The following NHS variants were observed in gnomAD, a reference collection of about 807,000 sequenced individuals.
The protein encoded by NHS is actin remodeling regulator NHS.
In NHS, 5 loss-of-function variants were observed where a neutral mutation model predicts 72.5. That is an observed-to-expected ratio of 0.07 (90% CI 0.04 to 0.14). The LOEUF (loss-of-function observed/expected upper bound fraction) is 0.14, where lower values mean the gene tolerates loss of function less well. Ranked by LOEUF, NHS falls within the 10% of genes least tolerant of loss-of-function variation. NHS has a pLI of 1.00. For missense variants in NHS, 1,072 were observed against 1,355.7 expected (o/e 0.79, Z 3.29); for synonymous variants, 464 against 547.7 (o/e 0.85, Z 2.13).
chrX:17,487,530 A>G (rs1278754453), intron 1 of NHS, among the ~76,000 whole-genome samples: 2 of 111,592 alleles, frequency 1.8e-5, no homozygotes, highest in Non-Finnish European at 3.8e-5. Context: ...TTCTCATGAC[A>G]TGGCATGTCC....
intron 1 of NHS, among the ~76,000 whole-genome samples, chrX:17,614,784 A>G (rs927980113): frequency 9.0e-6 from 1 of 111,031 alleles, no homozygotes; most frequent in Non-Finnish European, 1.9e-5. Flanking sequence ...GCCAAGTACC[A>G]CACTAGACAT....
intron 8 of NHS, among the ~76,000 whole-genome samples, chrX:17,730,231 T>C (rs765096972): frequency 8.9e-6 from 1 of 112,486 alleles, no homozygotes; most frequent in African/African-American, 3.2e-5. Flanking sequence ...TATGGAATAG[T>C]GGACAGGACG....
chrX:17,487,857 A>C (rs1452723095), intron 1 of NHS, among the ~76,000 whole-genome samples: 3 of 111,571 alleles, frequency 2.7e-5, no homozygotes, highest in Non-Finnish European at 5.7e-5. Context: ...GGAGTTCCCA[A>C]CACCAAAATA....
chrX:17,676,433 T>G (rs1232007133), intron 1 of NHS, among the ~76,000 whole-genome samples: 1 of 112,418 alleles, frequency 8.9e-6, no homozygotes, highest in African/African-American at 3.2e-5. Context: ...TACTAAAGGA[T>G]GATACTCACG....
intron 1 of NHS, among the ~76,000 whole-genome samples, chrX:17,507,283 G>T (rs144241811): frequency 3.6e-5 from 4 of 112,325 alleles, no homozygotes; most frequent in African/African-American, 1.3e-4. Flanking sequence ...TGAGTGGAGA[G>T]ATAATGTTAC....
At chrX:17,474,009 A>G (rs894980434) in intron 1 of NHS, among the ~76,000 whole-genome samples, 5 of 111,137 alleles carry the variant, frequency 4.5e-5, no homozygotes, top group African/African-American at 9.8e-5. Flanking sequence ...TGCGGTACAG[A>G]TTATTTCATC....
intron 3 of NHS, among the ~76,000 whole-genome samples, chrX:17,697,313 A>G (rs1171417609): frequency 1.8e-5 from 2 of 111,425 alleles, no homozygotes; most frequent in Non-Finnish European, 3.8e-5. Flanking sequence ...AAACAAATAC[A>G]CTAAAATATT....
chrX:17,615,928 T>C (rs1255244304), intron 1 of NHS, among the ~76,000 whole-genome samples: 3 of 111,353 alleles, frequency 2.7e-5, no homozygotes, highest in Non-Finnish European at 5.7e-5. Flanking sequence ...GTGAGCTCAA[T>C]TTCAGCATTT....
At chrX:17,433,717 A>G (rs781763621) in intron 1 of NHS, among the ~76,000 whole-genome samples, 12 of 112,143 alleles carry the variant, frequency 1.1e-4, no homozygotes, top group Non-Finnish European at 2.1e-4. Flanking sequence ...ACTCTTTCAC[A>G]CATATTCTAG....
chrX:17,550,371 C>T (rs2065326991), intron 1 of NHS, among the ~76,000 whole-genome samples: 2 of 112,323 alleles, frequency 1.8e-5, no homozygotes, highest in Non-Finnish European at 3.8e-5. Context: ...CTGGTGGATG[C>T]CTGGGTCAGC....
intron 1 of NHS, among the ~76,000 whole-genome samples, chrX:17,516,044 T>TA (rs367873952): frequency 0.065 from 5,823 of 88,960 alleles, 386 homozygotes; most frequent in African/African-American, 0.19. Context: ...TTAAAAGATG[T>TA]AAAAAAAAAA....
At chrX:17,508,395 A>G (rs751893293) in intron 1 of NHS, among the ~76,000 whole-genome samples, 7 of 112,422 alleles carry the variant, frequency 6.2e-5, no homozygotes, top group Non-Finnish European at 1.3e-4. Flanking sequence ...AGCAGGTATT[A>G]GTATTTCATT....
rs188391043 is a variant in NHS, at chrX:17,551,520, C to T, written c.566-136222C>T. Among the ~76,000 whole-genome samples the T allele has an allele frequency of 2.7e-4, 30 of 112,086 alleles. No individual in the cohort carries two copies. The East Asian group carries it at 7.9e-3, about 29-fold the overall frequency. On this transcript the variant is annotated intron_variant, in intron 1 of 8. Coordinates refer to ENST00000676302, the MANE Select transcript of NHS (RefSeq NM_001291867.2). ...AAGCTGCCGTGTCAGATCTTCCTCC[C>T]GTAAACACAGCACTTGAAACAAAAA...
chrX:17,474,851 A>G (rs1251414863), intron 1 of NHS, among the ~76,000 whole-genome samples: 1 of 111,245 alleles, frequency 9.0e-6, no homozygotes, highest in Non-Finnish European at 1.9e-5. Context: ...AGCATCCACT[A>G]TGACATCTCA....
At position 17,647,649 on chromosome X, in the gene NHS, C is replaced by T. The variant is rs147322189; in HGVS notation, c.566-40093C>T. 9.2e-3 allele frequency among the ~76,000 whole-genome samples: 1,035 copies of T among 112,373 alleles called. 15 individuals are homozygous for T. The highest frequency in any genetic ancestry group is 0.031 in the African/African-American group (971 of 30,903). On this transcript the variant is annotated intron_variant, in intron 1 of 8. Transcript: ENST00000676302. ...TCTAACAAATCATAGTTCTTCTTGG[C>T]CCACAGCATTACTTTTTAATTTCAG...
At chrX:17,419,946 T>C (rs748154745) in intron 1 of NHS, among the ~76,000 whole-genome samples, 2 of 112,023 alleles carry the variant, frequency 1.8e-5, no homozygotes, top group Non-Finnish European at 3.8e-5. Flanking sequence ...GTATCCCTCA[T>C]GGATTTTTCC....
At chrX:17,379,309 G>T (rs2064363426) in intron 1 of NHS, among the ~76,000 whole-genome samples, 2 of 110,356 alleles carry the variant, frequency 1.8e-5, no homozygotes, top group African/African-American at 3.3e-5. Flanking sequence ...GGTGATGGTG[G>T]CTAGGACTAG....
chrX:17,677,202 T>G (rs1427873702), intron 1 of NHS, among the ~76,000 whole-genome samples: 1 of 112,119 alleles, frequency 8.9e-6, no homozygotes, highest in African/African-American at 3.2e-5. Context: ...CCCAATGGTG[T>G]GGTTTGTATC....
chrX:17,553,771 AG>A (rs997687646), intron 1 of NHS, among the ~76,000 whole-genome samples: 1 of 110,944 alleles, frequency 9.0e-6, no homozygotes, highest in East Asian at 2.9e-4. Flanking sequence ...GGGGCGGGGT[AG>A]GGGGGCGGTG....
Sources: gnomAD v4.1 joint callset for allele counts (sites outside exome capture counted in the v4.1 genomes callset) on GRCh38, gnomAD v4.1.1 for gene constraint, MANE v1.5 for transcripts, NCBI Gene and HGNC (gene_info 2026-07-23, HGNC 2026-07-21) for gene names.